Variants in DLGAP5 observed in about 807,000 individuals in gnomAD.
DLGAP5 encodes the protein DLG associated protein 5.
DLGAP5 carries 90 observed loss-of-function variants against 99.6 expected under a neutral mutation model. That is an observed-to-expected ratio of 0.90 (90% CI 0.76 to 1.08). DLGAP5 has a LOEUF of 1.08. Ranked by LOEUF, DLGAP5 falls within the 50% of genes least tolerant of loss-of-function variation. DLGAP5 has a pLI of 0.00. For synonymous variants in DLGAP5, 311 were observed against 321.3 expected (o/e 0.97, Z 0.34); for missense variants, 1,036 against 983.5 (o/e 1.05, Z -0.71).
Position 55,165,985 on chromosome 14 carries a change from A to G in DLGAP5, c.1549-2910T>C, listed in dbSNP as rs144261965. Among the ~76,000 whole-genome samples, 279 of 152,374 alleles carry G rather than the reference A, an allele frequency of 1.8e-3. 1 individual carries two copies. The highest frequency in any genetic ancestry group is 6.3e-3 in the African/African-American group (262 of 41,586). On this transcript the variant is annotated intron_variant, in intron 12 of 18. Coordinates refer to ENST00000247191, the MANE Select transcript of DLGAP5 (RefSeq NM_014750.5). The stretch of plus-strand genomic sequence containing the variant: ...TAAAATGGTATAATCACTTTGGAAA[A>G]TAGTTTGGGCAGTTTCTTAAAAAGT...
Position 55,148,267 on chromosome 14 carries a change from T to C in DLGAP5, c.*84A>G. ...TATATGCTATAGAAGTGAACACAAA[T>C]ACATTTTCTCCAAAATTTCAATAGT... On this transcript the variant is annotated 3_prime_UTR_variant, in exon 19 of 19. Coordinates refer to ENST00000247191, the MANE Select transcript of DLGAP5 (RefSeq NM_014750.5). The C allele has an allele frequency of 2.2e-6, 3 of 1,394,862 alleles. No homozygotes were observed. Among genetic ancestry groups the C allele is most frequent in the Non-Finnish European group, 3.0e-6 (3 of 1,009,392 alleles). 86.4% of individuals were successfully genotyped at this position (1,394,862 alleles called of 1,614,324 possible). A position where few individuals can be genotyped will look rare whatever the true frequency, so the allele number is the denominator to read the frequency against.
intron 6 of DLGAP5, among the ~76,000 whole-genome samples, chr14:55,180,363 T>C (rs914549592): frequency 2.0e-5 from 3 of 152,196 alleles, no homozygotes; most frequent in Admixed American, 6.5e-5. Context: ...TGTTCTTTAA[T>C]AATATTATTC....
intron 14 of DLGAP5, among the ~76,000 whole-genome samples, chr14:55,157,023 G>A (rs1169543320): frequency 1.3e-5 from 2 of 152,184 alleles, no homozygotes; most frequent in Non-Finnish European, 2.9e-5. Context: ...AAGAGAGATG[G>A]TGGTAAACAA....
intron 7 of DLGAP5, among the ~76,000 whole-genome samples, chr14:55,177,836 C>T (rs1008565088): frequency 2.0e-5 from 3 of 151,900 alleles, no homozygotes; most frequent in Non-Finnish European, 4.4e-5. Flanking sequence ...CGCACCCACC[C>T]CGAACCAATT....
chr14:55,150,763 A>G (rs375143367), intron 18 of DLGAP5, 36 bp downstream of exon 18: 109 of 1,474,108 alleles, frequency 7.4e-5, no homozygotes, highest in Non-Finnish European at 1.0e-4. Flanking sequence ...AAACAAATCT[A>G]GAATATAAAG....
At chr14:55,151,996 T>TTTA in intron 16 of DLGAP5, 55 bp from the exon 17 acceptor site, 1 of 1,546,138 alleles carries the variant, frequency 6.5e-7, no homozygotes, top group Non-Finnish European at 8.8e-7. Flanking sequence ...TTGGAACAAA[T>TTTA]TTTAAAAGTC....
intron 2 of DLGAP5, among the ~76,000 whole-genome samples, chr14:55,185,661 T>G (rs1883412090): frequency 6.6e-6 from 1 of 152,154 alleles, no homozygotes; most frequent in Non-Finnish European, 1.5e-5. Context: ...TTTTTGTATT[T>G]TGAGTAGAGA....
chr14:55,153,427 G>A (rs929735786), intron 15 of DLGAP5, among the ~76,000 whole-genome samples: 2 of 151,814 alleles, frequency 1.3e-5, no homozygotes, highest in African/African-American at 4.8e-5. Flanking sequence ...TGTAGTCCCA[G>A]CTACTTGGGA....
At position 55,151,878 on chromosome 14, in the gene DLGAP5, G is replaced by T; in HGVS notation, c.2185C>A (p.Leu729Ile). ...ATATCATCTGCTACTCCACCAGCAA[G>T]AAGAGGCAAACTCATTCTCTCACTG... ...LSSERMSLPL[L>I]AGGVADDINT... is the part of the protein sequence containing the mutation. Residue 729 changes from leucine (L) to isoleucine (I), a missense_variant, in exon 17 of 19, where the codon CTT becomes ATT. Physicochemically the swap from Leu to Ile is conservative, Grantham distance 5. Coordinates refer to ENST00000247191, the MANE Select transcript of DLGAP5 (RefSeq NM_014750.5). The T allele has an allele frequency of 1.2e-6, 2 of 1,613,942 alleles. No individual in the cohort carries two copies. The highest frequency in any genetic ancestry group is 1.7e-6 in the Non-Finnish European group (2 of 1,179,944).
chr14:55,183,328 A>G (rs772784333), intron 3 of DLGAP5, among the ~76,000 whole-genome samples: 6 of 152,208 alleles, frequency 3.9e-5, no homozygotes, highest in African/African-American at 4.8e-5. Flanking sequence ...AATCCTTTGC[A>G]TAACATTGTT....
rs539939610 is a variant in DLGAP5 at position 55,154,489 on chromosome 14, T to C, written c.2063+128A>G. 481 of 745,834 alleles carry C rather than the reference T, an allele frequency of 6.4e-4. No individual in the cohort carries two copies. In the Middle Eastern group the frequency reaches 1.0e-2, roughly 15 times the overall value. 46.2% of individuals were successfully genotyped at this position (745,834 alleles called of 1,614,324 possible). ...TCATTTATAAAAAGGGAGTACTGCC[T>C]ATATGTTGCAGGGTCATTATGAAAT... is the stretch of plus-strand genomic sequence containing the variant. On this transcript the variant is annotated intron_variant, in intron 15 of 18. Transcript: ENST00000247191.
At chr14:55,190,826 A>C (rs1883589970) in intron 1 of DLGAP5, among the ~76,000 whole-genome samples, 1 of 152,246 alleles carries the variant, frequency 6.6e-6, no homozygotes, top group African/African-American at 2.4e-5. Context: ...CTCCTGCAAT[A>C]TTAATTCGCT....
intron 7 of DLGAP5, 111 bp downstream of exon 7, chr14:55,179,518 A>C: frequency 2.5e-6 from 2 of 787,210 alleles, no homozygotes; most frequent in South Asian, 2.2e-5. Flanking sequence ...AAGTTTTAAC[A>C]CACATGTAGG....
chr14:55,173,447 G>T (rs768689226), intron 10 of DLGAP5, among the ~76,000 whole-genome samples: 1 of 151,968 alleles, frequency 6.6e-6, no homozygotes, highest in Non-Finnish European at 1.5e-5. Flanking sequence ...AGAAAGAAAT[G>T]AAGTCACTCT....
chr14:55,183,918 TGAG>T, intron 2 of DLGAP5, among the ~76,000 whole-genome samples, 165 bp from the exon 3 acceptor site: 1 of 152,102 alleles, frequency 6.6e-6, no homozygotes, highest in Non-Finnish European at 1.5e-5. Context: ...TTTGGGAGGC[TGAG>T]GAGGGCGGAT....
At chr14:55,190,118 T>C (rs1249648633) in intron 1 of DLGAP5, among the ~76,000 whole-genome samples, 1 of 152,184 alleles carries the variant, frequency 6.6e-6, no homozygotes, top group Non-Finnish European at 1.5e-5. Flanking sequence ...GTTTGCTCCA[T>C]TATTTTCATC....
At position 55,187,576 on chromosome 14, in the gene DLGAP5, C is replaced by CA. The variant is rs780369796; in HGVS notation, c.238+1365dup. On this transcript the variant is annotated intron_variant, in intron 2 of 18. Coordinates refer to ENST00000247191, the MANE Select transcript of DLGAP5 (RefSeq NM_014750.5). ...TCGCCATCCACCCGCCTTGGCCTCCCAAAGTGCTGGGATTACAGGCATGAG... is the reference window on the plus strand; with the variant it reads ...TCGCCATCCACCCGCCTTGGCCTCCCAAAAGTGCTGGGATTACAGGCATGAG... Among the ~76,000 whole-genome samples, 5 of 152,024 alleles carry CA rather than the reference C, an allele frequency of 3.3e-5. No individual in the cohort carries two copies. The East Asian group carries it at 9.7e-4, about 29-fold the overall frequency.
At chr14:55,153,281 G>GCA (rs1437947382) in intron 15 of DLGAP5, among the ~76,000 whole-genome samples, 1 of 152,138 alleles carries the variant, frequency 6.6e-6, no homozygotes, top group African/African-American at 2.4e-5. Context: ...CTTGGCTCAC[G>GCA]CCTGTAATCC....
intron 10 of DLGAP5, among the ~76,000 whole-genome samples, chr14:55,174,978 C>T (rs199705405): frequency 3.9e-5 from 6 of 152,220 alleles, no homozygotes; most frequent in South Asian, 2.1e-4. Flanking sequence ...CGTGAGCCAC[C>T]GCGCCCAGCC....
Sources: allele counts gnomAD v4.1 joint callset (sites outside exome capture counted in the v4.1 genomes callset), GRCh38; gene constraint gnomAD v4.1.1; transcripts MANE v1.5; gene names NCBI Gene and HGNC (gene_info 2026-07-23, HGNC 2026-07-21).